GMDS: variants seen among roughly 807,000 people sequenced by gnomAD.
GMDS encodes the protein GDP-mannose 4,6-dehydratase.
In GMDS, 20 loss-of-function variants were observed where a neutral mutation model predicts 49.9. The ratio of observed to expected loss-of-function variants is 0.40; its 90% CI spans 0.28 to 0.58. The LOEUF is 0.58. Among genes scored for constraint, GMDS ranks in the 20% least tolerant of loss-of-function variants. The pLI, the probability that GMDS is intolerant of heterozygous loss-of-function variation, is 0.42. For missense variants in GMDS, 362 were observed against 481.4 expected (o/e 0.75, Z 2.32); for synonymous variants, 177 against 178.6 (o/e 0.99, Z 0.07).
intron 9 of GMDS, among the ~76,000 whole-genome samples, chr6:1,662,635 C>T (rs964810635): frequency 2.0e-5 from 3 of 152,078 alleles, no homozygotes; most frequent in Non-Finnish European, 2.9e-5. Flanking sequence ...GGCAAGTGGA[C>T]TCTGTATATG....
intron 4 of GMDS, among the ~76,000 whole-genome samples, chr6:2,105,410 C>T (rs1204159896): frequency 6.6e-6 from 1 of 152,100 alleles, no homozygotes; most frequent in East Asian, 1.9e-4. Flanking sequence ...ACTAAAGAGC[C>T]TCTCAGCCTC....
intron 1 of GMDS, 26 bp from the exon 2 acceptor site, chr6:2,124,757 A>T: frequency 6.3e-7 from 1 of 1,592,264 alleles, no homozygotes; most frequent in Non-Finnish European, 8.6e-7. Context: ...AAATTGCAAA[A>T]CGTCAGTCTC....
chr6:1,629,741 G>A (rs1762943215), intron 9 of GMDS, among the ~76,000 whole-genome samples: 1 of 152,120 alleles, frequency 6.6e-6, no homozygotes, highest in African/African-American at 2.4e-5. Flanking sequence ...TGCCTAATGG[G>A]CACTTTAAAA....
At chr6:2,028,760 A>G (rs940162814) in intron 4 of GMDS, among the ~76,000 whole-genome samples, 2 of 152,210 alleles carry the variant, frequency 1.3e-5, no homozygotes, top group East Asian at 1.9e-4. Flanking sequence ...AATGTCTAAC[A>G]TAAACAAAAC....
At chr6:1,960,418 A>T (rs937144109) in intron 5 of GMDS, among the ~76,000 whole-genome samples, 4 of 144,360 alleles carry the variant, frequency 2.8e-5, no homozygotes, top group African/African-American at 9.8e-5. Context: ...CATGGAAAAT[A>T]AAAAAAAACA....
chr6:1,699,790 T>C (rs987645470), intron 9 of GMDS, among the ~76,000 whole-genome samples: 2 of 152,010 alleles, frequency 1.3e-5, no homozygotes, highest in Non-Finnish European at 2.9e-5. Context: ...CCACGTATTC[T>C]AGAATTAGCA....
At chr6:1,748,476 A>G (rs1416148518) in intron 7 of GMDS, among the ~76,000 whole-genome samples, 1 of 152,088 alleles carries the variant, frequency 6.6e-6, no homozygotes, top group African/African-American at 2.4e-5. Context: ...AATTTATTTT[A>G]TATTTTGTTG....
chr6:1,938,112 T>C (rs1481513407), intron 6 of GMDS, among the ~76,000 whole-genome samples: 13 of 152,216 alleles, frequency 8.5e-5, no homozygotes, highest in Admixed American at 7.9e-4. Context: ...ATTCCTTTCG[T>C]GAGCATAATA....
At chr6:2,053,852 T>C (rs1192426115) in intron 4 of GMDS, among the ~76,000 whole-genome samples, 1 of 152,138 alleles carries the variant, frequency 6.6e-6, no homozygotes, top group Non-Finnish European at 1.5e-5. Flanking sequence ...TAACATTATG[T>C]TAACTAAGTA....
At chr6:2,055,324 A>C (rs1444814308) in intron 4 of GMDS, among the ~76,000 whole-genome samples, 2 of 152,118 alleles carry the variant, frequency 1.3e-5, no homozygotes, top group Admixed American at 6.5e-5. Context: ...ATAAGTCATA[A>C]ATCTACAGAT....
chr6:2,115,778 T>C lies in GMDS; in HGVS notation c.338A>G (p.His113Arg). The change falls in exon 4 of 11, where the codon CAC becomes CGC. Residue 113 changes from histidine to arginine, a missense_variant. His to Arg is a conservative substitution (Grantham distance 29). Transcript: ENST00000380815. ...CCCAATGAAAATGCTTACTTTGACG[T>C]GGCTCTGGGCTCCAAGGTTGTAGAT... ...TEIYNLGAQS[H>R]VKISFDLAEY... is the part of the protein sequence containing the mutation. The C allele has an allele frequency of 6.5e-7, 1 of 1,547,144 alleles. No individual in the cohort carries two copies. The highest frequency in any genetic ancestry group is 8.9e-7 in the Non-Finnish European group (1 of 1,118,926).
At chr6:2,032,585 A>C (rs1195057922) in intron 4 of GMDS, among the ~76,000 whole-genome samples, 2 of 152,204 alleles carry the variant, frequency 1.3e-5, no homozygotes, top group Admixed American at 6.5e-5. Flanking sequence ...CTACACAACA[A>C]GTATTGTTTT....
At chr6:2,138,872 T>C (rs1290584395) in intron 1 of GMDS, among the ~76,000 whole-genome samples, 1 of 151,706 alleles carries the variant, frequency 6.6e-6, no homozygotes, top group Non-Finnish European at 1.5e-5. Context: ...TTTTATACAA[T>C]TGCAAATGAG....
intron 4 of GMDS, among the ~76,000 whole-genome samples, chr6:2,110,031 C>A (rs542338406): frequency 3.3e-5 from 5 of 152,266 alleles, no homozygotes; most frequent in Admixed American, 6.5e-5. Flanking sequence ...AAGAACAGTC[C>A]CTCTCTGCTG....
chr6:1,724,557 G>C (rs7763069), intron 9 of GMDS, among the ~76,000 whole-genome samples: 59,768 of 152,030 alleles, frequency 0.39, 13,252 homozygotes, highest in South Asian at 0.58. Flanking sequence ...CCACATTTAA[G>C]TTGTAAAAAT....
intron 1 of GMDS, among the ~76,000 whole-genome samples, chr6:2,242,227 A>C (rs1257005822): frequency 6.6e-6 from 1 of 152,242 alleles, no homozygotes; most frequent in Non-Finnish European, 1.5e-5. Context: ...AAGAGGTACA[A>C]GGCAACAGTA....
At chr6:2,136,185 G>A (rs1775989407) in intron 1 of GMDS, among the ~76,000 whole-genome samples, 1 of 152,132 alleles carries the variant, frequency 6.6e-6, no homozygotes, top group Non-Finnish European at 1.5e-5. Context: ...ATGTCATTAT[G>A]CAGCACATGA....
At chr6:1,751,781 C>T (rs1205519128) in intron 7 of GMDS, among the ~76,000 whole-genome samples, 11 of 152,162 alleles carry the variant, frequency 7.2e-5, no homozygotes, top group East Asian at 3.9e-4. Flanking sequence ...CATGAGCCAC[C>T]GTGCCCAGCT....
intron 7 of GMDS, among the ~76,000 whole-genome samples, chr6:1,840,842 C>A (rs987531759): frequency 2.0e-5 from 3 of 152,146 alleles, no homozygotes; most frequent in Non-Finnish European, 4.4e-5. Flanking sequence ...CAACAAACAG[C>A]GTTCGGGTTG....
Sources: allele counts gnomAD v4.1 joint callset (sites outside exome capture counted in the v4.1 genomes callset), GRCh38; gene constraint gnomAD v4.1.1; transcripts MANE v1.5; gene names NCBI Gene and HGNC (gene_info 2026-07-23, HGNC 2026-07-21).